PLCB1: variants seen among roughly 807,000 people sequenced by gnomAD.
PLCB1 encodes the protein 1-phosphatidylinositol 4,5-bisphosphate phosphodiesterase beta-1.
A neutral mutation model predicts 161.8 loss-of-function variants in PLCB1; 46 were observed. The observed-to-expected ratio is 0.28, with a 90% CI of 0.22 to 0.36. PLCB1 has a LOEUF of 0.36. Among genes scored for constraint, PLCB1 ranks in the 10% least tolerant of loss-of-function variants. The pLI is 1.00. For synonymous variants in PLCB1, 517 were observed against 503.7 expected (o/e 1.03, Z -0.35); for missense variants, 1,016 against 1,472.5 (o/e 0.69, Z 5.07).
At chr20:8,497,056 G>A (rs913044578) in intron 3 of PLCB1, among the ~76,000 whole-genome samples, 16 of 152,250 alleles carry the variant, frequency 1.1e-4, no homozygotes, top group East Asian at 9.7e-4. Flanking sequence ...AGACTGTTAC[G>A]ATTAGAGTGA....
intron 2 of PLCB1, among the ~76,000 whole-genome samples, chr20:8,362,121 GA>G (rs1429353172): frequency 1.3e-5 from 2 of 152,012 alleles, no homozygotes; most frequent in African/African-American, 2.4e-5. Flanking sequence ...CATCCATAAA[GA>G]TGTGGAGAAT....
chr20:8,817,996 TA>T (rs1388122207), intron 31 of PLCB1, among the ~76,000 whole-genome samples: 1 of 152,154 alleles, frequency 6.6e-6, no homozygotes, highest in Non-Finnish European at 1.5e-5. Context: ...TAGTGATCTA[TA>T]TAATTAGCAA....
chr20:8,294,472 A>G (rs1479686311), intron 2 of PLCB1, among the ~76,000 whole-genome samples: 1 of 151,962 alleles, frequency 6.6e-6, no homozygotes. Context: ...TTATATGCAT[A>G]TATATACACA....
At chr20:8,807,892 A>G (rs1427155726) in intron 31 of PLCB1, among the ~76,000 whole-genome samples, 4 of 152,216 alleles carry the variant, frequency 2.6e-5, no homozygotes, top group Non-Finnish European at 5.9e-5. Flanking sequence ...TCTAATGTGT[A>G]ATCCACCGTT....
intron 3 of PLCB1, among the ~76,000 whole-genome samples, chr20:8,561,812 A>T (rs1986149144): frequency 6.6e-6 from 1 of 152,180 alleles, no homozygotes; most frequent in Admixed American, 6.6e-5. Context: ...TCCTTTCAAG[A>T]TAGTCAAGCT....
intron 31 of PLCB1, among the ~76,000 whole-genome samples, chr20:8,830,444 C>T (rs1985927580): frequency 6.6e-6 from 1 of 152,120 alleles, no homozygotes. Context: ...GAGAGGGGAA[C>T]CAGGAAACCT....
At chr20:8,400,502 A>G (rs1221224599) in intron 3 of PLCB1, among the ~76,000 whole-genome samples, 1 of 152,250 alleles carries the variant, frequency 6.6e-6, no homozygotes, top group Non-Finnish European at 1.5e-5. Context: ...AAAGTAAATT[A>G]CAACTATTAA....
chr20:8,365,150 G>T (rs1986665938), intron 2 of PLCB1, among the ~76,000 whole-genome samples: 1 of 152,180 alleles, frequency 6.6e-6, no homozygotes, highest in Non-Finnish European at 1.5e-5. Flanking sequence ...GAACGAGGGA[G>T]ATGTTGCTGG....
At chr20:8,219,777 C>T (rs1018220755) in intron 2 of PLCB1, among the ~76,000 whole-genome samples, 25 of 152,130 alleles carry the variant, frequency 1.6e-4, no homozygotes, top group Non-Finnish European at 2.9e-4. Context: ...ATAAAAGTTA[C>T]ATTATTAGAG....
intron 31 of PLCB1, among the ~76,000 whole-genome samples, chr20:8,844,157 C>G (rs1362417020): frequency 6.6e-6 from 1 of 152,218 alleles, no homozygotes; most frequent in Non-Finnish European, 1.5e-5. Context: ...CCTGCAATAT[C>G]TGATTGTTTT....
intron 17 of PLCB1, among the ~76,000 whole-genome samples, chr20:8,728,138 G>A (rs546411157): frequency 6.4e-4 from 98 of 152,212 alleles, no homozygotes; most frequent in African/African-American, 2.3e-3. Context: ...TATTGACTGT[G>A]TGATAGATCT....
intron 2 of PLCB1, among the ~76,000 whole-genome samples, chr20:8,322,054 C>A (rs540801906): frequency 6.6e-6 from 1 of 152,116 alleles, no homozygotes; most frequent in Non-Finnish European, 1.5e-5. Flanking sequence ...TTAGTAGGGG[C>A]GGATCTGAGG....
intron 2 of PLCB1, among the ~76,000 whole-genome samples, chr20:8,161,961 G>A (rs2051629658): frequency 6.6e-6 from 1 of 152,138 alleles, no homozygotes; most frequent in South Asian, 2.1e-4. Flanking sequence ...CACTCCACAT[G>A]AGCAACTACA....
At chr20:8,144,397 T>C (rs2051433654) in intron 1 of PLCB1, among the ~76,000 whole-genome samples, 1 of 152,150 alleles carries the variant, frequency 6.6e-6, no homozygotes. Flanking sequence ...TTTCCCTACA[T>C]TGTGTTAAAA....
At chr20:8,454,593 G>A (rs1310234131) in intron 3 of PLCB1, among the ~76,000 whole-genome samples, 1 of 152,128 alleles carries the variant, frequency 6.6e-6, no homozygotes, top group African/African-American at 2.4e-5. Context: ...ATGACTCACT[G>A]GTTATTGGGC....
intron 2 of PLCB1, among the ~76,000 whole-genome samples, chr20:8,247,951 C>T (rs1004370721): frequency 3.9e-5 from 6 of 151,904 alleles, no homozygotes; most frequent in Non-Finnish European, 8.8e-5. Context: ...ATAAAATTAT[C>T]CTTCTTCTTC....
chr20:8,677,420 A>C (rs1246678549), intron 9 of PLCB1, among the ~76,000 whole-genome samples: 1 of 152,206 alleles, frequency 6.6e-6, no homozygotes, highest in African/African-American at 2.4e-5. Context: ...CAAAGTTTAA[A>C]ATCCGGACAA....
intron 2 of PLCB1, among the ~76,000 whole-genome samples, chr20:8,260,158 G>T (rs1456797390): frequency 6.8e-6 from 1 of 147,950 alleles, no homozygotes; most frequent in Non-Finnish European, 1.5e-5. Flanking sequence ...ATAGCTCACT[G>T]CACCCTCAAA....
At chr20:8,299,049 T>A (rs1030788133) in intron 2 of PLCB1, among the ~76,000 whole-genome samples, 1 of 152,266 alleles carries the variant, frequency 6.6e-6, no homozygotes, top group Middle Eastern at 3.4e-3. Flanking sequence ...ATTCATTCAT[T>A]TTTCTGAAGA....
Sources: gnomAD v4.1 joint callset for allele counts (sites outside exome capture counted in the v4.1 genomes callset) on GRCh38, gnomAD v4.1.1 for gene constraint, MANE v1.5 for transcripts, NCBI Gene and HGNC (gene_info 2026-07-23, HGNC 2026-07-21) for gene names.